The following TNS1 variants were observed in gnomAD, a reference collection of about 807,000 sequenced individuals.
TNS1 encodes the protein tensin-1.
TNS1 carries 62 observed loss-of-function variants against 168.6 expected under a neutral mutation model. The observed-to-expected ratio is 0.37, with a 90% CI of 0.30 to 0.45. The LOEUF is 0.45. Among genes scored for constraint, TNS1 ranks in the 20% least tolerant of loss-of-function variants. The pLI is 1.00. For synonymous variants in TNS1, 934 were observed against 933.2 expected, an observed-to-expected ratio of 1.00 and a Z score of -0.02; for missense variants, 2,240 against 2,339.4, an observed-to-expected ratio of 0.96 and a Z score of 0.88.
chr2:217,887,894 A>G (rs1010933016), intron 12 of TNS1, among the ~76,000 whole-genome samples: 2 of 152,236 alleles, frequency 1.3e-5, no homozygotes, highest in African/African-American at 4.8e-5. Flanking sequence ...CCATGGAATG[A>G]CAAGCTGAGT....
chr2:217,813,830 G>T lies in TNS1; in HGVS notation c.4730-14C>A, dbSNP rs766799412. On this transcript the variant is annotated splice_polypyrimidine_tract_variant and intron_variant, in intron 25 of 32. Transcript: ENST00000682258. The surrounding 1 kb of genome is among the most constrained non-coding windows in gnomAD (Gnocchi z 4.0). ...GGAGCGCGATGGCTGCATGGGGAAG[G>T]GACAAGGAGAGAGGAGGAAGCAAGA... 1.3e-6 allele frequency: 2 copies of T among 1,591,360 alleles called. No individual in the cohort carries two copies. Among genetic ancestry groups the T allele is most frequent in the East Asian group, 4.5e-5 (2 of 44,246 alleles).
chr2:217,886,474 G>T, intron 13 of TNS1, 60 bp downstream of exon 13: 1 of 1,361,242 alleles, frequency 7.3e-7, no homozygotes, highest in Non-Finnish European at 1.0e-6. Flanking sequence ...TCTTAGAGAA[G>T]ATGGAAGATG....
At chr2:217,833,810 G>A (rs551717675) in intron 21 of TNS1, among the ~76,000 whole-genome samples, 48 of 152,280 alleles carry the variant, frequency 3.2e-4, no homozygotes, top group African/African-American at 1.0e-3. Context: ...AAAACATCCC[G>A]TTCTTTTTTA....
At chr2:218,006,731 CAT>C (rs768897397), upstream of TNS1, among the ~76,000 whole-genome samples, 5 of 152,046 alleles carry the variant, frequency 3.3e-5, no homozygotes, top group Non-Finnish European at 7.4e-5. Flanking sequence ...CACATCTCCA[CAT>C]GTTTTGATCT....
intron 1 of TNS1, among the ~76,000 whole-genome samples, chr2:218,023,253 A>T (rs1403148224): frequency 2.0e-5 from 3 of 152,140 alleles, no homozygotes; most frequent in African/African-American, 7.2e-5. Flanking sequence ...GAGGGCTGGG[A>T]ACCCCGAGAC....
intron 10 of TNS1, 52 bp from the exon 11 acceptor site, chr2:217,893,064 C>A: frequency 1.2e-6 from 2 of 1,603,116 alleles, no homozygotes; most frequent in African/African-American, 1.3e-5. Context: ...AGCCTTGCTG[C>A]CCCAGAGCTT....
intron 22 of TNS1, among the ~76,000 whole-genome samples, chr2:217,829,099 G>A (rs1414796456): frequency 6.6e-6 from 1 of 152,226 alleles, no homozygotes; most frequent in Non-Finnish European, 1.5e-5. Context: ...TTCAGGGCCA[G>A]GCACAGTGGC....
chr2:217,918,138 T>C (rs527700000), intron 4 of TNS1, among the ~76,000 whole-genome samples: 11 of 152,274 alleles, frequency 7.2e-5, no homozygotes, highest in African/African-American at 2.4e-4. Flanking sequence ...TGGGCCAGCA[T>C]TGAAGGACTT....
intron 8 of TNS1, 45 bp from the exon 9 acceptor site, chr2:217,895,101 G>A: frequency 1.3e-6 from 2 of 1,561,418 alleles, no homozygotes; most frequent in Non-Finnish European, 1.7e-6. Context: ...TGAGGGTGAG[G>A]AGGGCGGCGA....
intron 1 of TNS1, among the ~76,000 whole-genome samples, chr2:218,027,059 G>C (rs538210586): frequency 1.3e-5 from 2 of 152,076 alleles, no homozygotes; most frequent in South Asian, 4.1e-4. Context: ...GGCCCACGAA[G>C]GGAGGAGAGA....
At chr2:217,872,345 C>T (rs1949843836) in intron 18 of TNS1, among the ~76,000 whole-genome samples, 1 of 152,118 alleles carries the variant, frequency 6.6e-6, no homozygotes, top group Admixed American at 6.5e-5. Context: ...AAAATGAATG[C>T]TTACAACTCA....
Position 218,002,152 on chromosome 2 carries a change from C to G in TNS1, c.33+688G>C, listed in dbSNP as rs929083314. Among the ~76,000 whole-genome samples, 9 of 152,286 alleles carry G rather than the reference C, an allele frequency of 5.9e-5. No homozygotes were observed. In the East Asian group the frequency reaches 1.5e-3, roughly 26 times the overall value. On this transcript the variant is annotated intron_variant, in intron 1 of 32. Coordinates refer to ENST00000682258, the MANE Select transcript of TNS1 (RefSeq NM_001387777.1). ...GACTTTTAACCTTCACCACGTGGCC[C>G]CCAGGCCTCTCTGCTGGCCCCCCTG...
At chr2:217,842,128 G>A (rs1271014692) in intron 19 of TNS1, 2 of 702,788 alleles carry the variant, frequency 2.8e-6, no homozygotes, top group Non-Finnish European at 5.2e-6. Context: ...CTTGGAATGT[G>A]GGAGGTTCCA....
chr2:217,967,058 G>T (rs896876461), intron 3 of TNS1, among the ~76,000 whole-genome samples: 1 of 152,280 alleles, frequency 6.6e-6, no homozygotes, highest in South Asian at 2.1e-4. Context: ...GGTGGCTCAC[G>T]CCTGTAATCC....
chr2:217,871,051 C>T (rs1371316425), intron 18 of TNS1, among the ~76,000 whole-genome samples: 3 of 152,196 alleles, frequency 2.0e-5, no homozygotes, highest in African/African-American at 7.2e-5. Flanking sequence ...AGGCCTCTAT[C>T]TTGGCCTCTA....
At chr2:217,957,324 C>T (rs563483238) in intron 3 of TNS1, among the ~76,000 whole-genome samples, 33 of 152,280 alleles carry the variant, frequency 2.2e-4, no homozygotes, top group Admixed American at 1.8e-3. Flanking sequence ...TCCAAGGTGC[C>T]GCACTCCTCC....
rs1397204309 is a variant in TNS1, at chr2:217,818,702, G to T, written c.3630C>A (p.Pro1210=). The stretch of plus-strand genomic sequence containing the variant: ...AGCCAGACTCCAACAGAGGCTGGGT[G>T]GGCGTCCGGGGACCCTGGTCACTGC... The part of the protein sequence containing the change: ...GESSDQGPRT[P]TQPLLESGFR... The change falls in exon 24 of 33, where the codon CCC becomes CCA. Residue 1210 remains proline (P), a synonymous_variant. Transcript: ENST00000682258. 7 of 1,614,014 alleles carry T rather than the reference G, an allele frequency of 4.3e-6. No homozygotes were observed. Among genetic ancestry groups the T allele is most frequent in the Non-Finnish European group, 5.1e-6 (6 of 1,180,042 alleles).
At chr2:218,013,164 G>A (rs1321079988), upstream of TNS1, among the ~76,000 whole-genome samples, 1 of 151,888 alleles carries the variant, frequency 6.6e-6, no homozygotes, top group East Asian at 1.9e-4. Flanking sequence ...ACTGAGGCAG[G>A]AGAATCGCTT....
chr2:217,807,870 C>T (rs751880026), intron 32 of TNS1, among the ~76,000 whole-genome samples: 75 of 152,202 alleles, frequency 4.9e-4, no homozygotes, highest in Non-Finnish European at 4.7e-4. Context: ...CTGGACCAGA[C>T]GCTGGGCCTC....
Sources: gnomAD v4.1 joint callset for allele counts (sites outside exome capture counted in the v4.1 genomes callset) on GRCh38, gnomAD v4.1.1 for gene constraint, Gnocchi (gnomAD v3.1) non-coding constraint, MANE v1.5 for transcripts, NCBI Gene and HGNC (gene_info 2026-07-23, HGNC 2026-07-21) for gene names.